CHMP4B: variants seen among roughly 807,000 people sequenced by gnomAD.
The protein encoded by CHMP4B is SNF7 homolog associated with Alix 1.
A neutral mutation model predicts 25.1 loss-of-function variants in CHMP4B; 1 was observed. The ratio of observed to expected loss-of-function variants is 0.04; its 90% CI spans 0.01 to 0.19. The LOEUF (loss-of-function observed/expected upper bound fraction) is 0.19. Among genes scored for constraint, CHMP4B ranks in the 10% least tolerant of loss-of-function variants. The pLI is 1.00. For synonymous variants in CHMP4B, 101 were observed against 115.6 expected, an observed-to-expected ratio of 0.87 and a Z score of 0.81; for missense variants, 151 against 289.7, an observed-to-expected ratio of 0.52 and a Z score of 3.48.
At chr20:33,852,742 C>T (rs1196713447) in intron 4 of CHMP4B, among the ~76,000 whole-genome samples, 1 of 152,216 alleles carries the variant, frequency 6.6e-6, no homozygotes, top group Admixed American at 6.5e-5. Context: ...CTTTCCCTGC[C>T]CCTCTAGTAT....
chr20:33,821,970 C>T (rs998783198), intron 1 of CHMP4B, among the ~76,000 whole-genome samples: 1 of 151,734 alleles, frequency 6.6e-6, no homozygotes, highest in Non-Finnish European at 1.5e-5. Context: ...GTGTGCACCA[C>T]CATGCCCAGC....
chr20:33,817,827 A>G (rs1261781618), intron 1 of CHMP4B, among the ~76,000 whole-genome samples: 1 of 152,220 alleles, frequency 6.6e-6, no homozygotes, highest in Non-Finnish European at 1.5e-5. Context: ...AAATCTGAGC[A>G]TAGCAATGGG....
chr20:33,823,089 A>C (rs1034715746), intron 1 of CHMP4B, among the ~76,000 whole-genome samples: 1 of 152,104 alleles, frequency 6.6e-6, no homozygotes, highest in Non-Finnish European at 1.5e-5. Context: ...CGCCCGGCCC[A>C]GTTAAGTAAT....
At position 33,814,224 on chromosome 20, in the gene CHMP4B, G is replaced by A. The variant is rs114186534; in HGVS notation, c.190+2566G>A. ...CTCTAGGAGGAAGGTCTTAGTGTGG[G>A]GAGGTGAACACTACCACATTACCAT... On this transcript the variant is annotated intron_variant, in intron 1 of 4. Transcript: ENST00000217402. 2.6e-3 allele frequency among the ~76,000 whole-genome samples: 400 copies of A among 152,300 alleles called. 2 individuals carry two copies. Among genetic ancestry groups the A allele is most frequent in the African/African-American group, 9.2e-3 (384 of 41,552 alleles).
chr20:33,842,240 T>G (rs1206141743), intron 1 of CHMP4B, among the ~76,000 whole-genome samples: 1 of 152,146 alleles, frequency 6.6e-6, no homozygotes, highest in Non-Finnish European at 1.5e-5. Context: ...GGTGGTTAAC[T>G]GTGTTGTTTT....
intron 1 of CHMP4B, among the ~76,000 whole-genome samples, chr20:33,820,649 T>C (rs1978913425): frequency 6.6e-6 from 1 of 151,898 alleles, no homozygotes; most frequent in Admixed American, 6.6e-5. Flanking sequence ...TGACATGCAG[T>C]GGAGGGAACT....
intron 2 of CHMP4B, 116 bp downstream of exon 2, chr20:33,848,760 T>A (rs1979758832): frequency 1.8e-6 from 2 of 1,091,438 alleles, no homozygotes; most frequent in African/African-American, 3.1e-5. Flanking sequence ...GCACCTGAGT[T>A]TGTTTTAATT....
intron 1 of CHMP4B, among the ~76,000 whole-genome samples, chr20:33,814,579 A>G (rs1978729520): frequency 6.6e-6 from 1 of 152,154 alleles, no homozygotes; most frequent in African/African-American, 2.4e-5. Flanking sequence ...GACAGGAGAT[A>G]ACACTGAGAG....
chr20:33,834,902 A>C (rs1344986316), intron 1 of CHMP4B, among the ~76,000 whole-genome samples: 4 of 152,100 alleles, frequency 2.6e-5, no homozygotes, highest in Non-Finnish European at 5.9e-5. Flanking sequence ...TCCTGGGTTC[A>C]AGCGATTCTC....
intron 1 of CHMP4B, among the ~76,000 whole-genome samples, chr20:33,831,267 G>A (rs556655623): frequency 3.9e-5 from 6 of 152,234 alleles, no homozygotes; most frequent in African/African-American, 1.4e-4. Context: ...GCTATTTTTA[G>A]TGGAGACGGG....
chr20:33,852,349 C>A, intron 4 of CHMP4B, 146 bp downstream of exon 4: 1 of 988,396 alleles, frequency 1.0e-6, no homozygotes, highest in South Asian at 1.3e-5. Flanking sequence ...GATTGAGAAC[C>A]AGACAGGATC....
rs1979750293 is a variant in CHMP4B at position 33,848,526 on chromosome 20, G to A, written c.250G>A (p.Gly84Ser). ...TGAGAAGCAGCTGGCGCAGATCGACGGCACATTATCAACCATCGAGTTCCA... is the reference window on the plus strand; with the variant it reads ...TGAGAAGCAGCTGGCGCAGATCGACAGCACATTATCAACCATCGAGTTCCA... ...RYEKQLAQID[G>S]TLSTIEFQRE... The change falls in exon 2 of 5, where the codon GGC (glycine) becomes AGC (serine). Residue 84 changes from glycine to serine, a missense_variant. Around this residue, in one of 3 missense-constraint regions of CHMP4B, gnomAD observed 82 missense variants for 208.3 expected, o/e 0.39. Transcript: ENST00000217402. The A allele has an allele frequency of 6.2e-7, 1 of 1,614,180 alleles. No individual in the cohort carries two copies. The highest frequency in any genetic ancestry group is 8.5e-7 in the Non-Finnish European group (1 of 1,180,036).
At chr20:33,832,545 TTTTG>T (rs1471860585) in intron 1 of CHMP4B, among the ~76,000 whole-genome samples, 4 of 152,156 alleles carry the variant, frequency 2.6e-5, no homozygotes, top group Non-Finnish European at 5.9e-5. Context: ...AGGCTGTTGT[TTTTG>T]TTTGTTTTGA....
chr20:33,847,891 CAG>C (rs1979731065), intron 1 of CHMP4B, among the ~76,000 whole-genome samples: 2 of 151,802 alleles, frequency 1.3e-5, no homozygotes, highest in South Asian at 4.2e-4. Flanking sequence ...ACAATTTACA[CAG>C]TTGTTGGCTA....
intron 1 of CHMP4B, among the ~76,000 whole-genome samples, chr20:33,843,733 C>T (rs1165098091): frequency 6.6e-6 from 1 of 152,142 alleles, no homozygotes; most frequent in Non-Finnish European, 1.5e-5. Context: ...ACTCTAATAC[C>T]TCTGAGCCTT....
chr20:33,821,481 T>A (rs1399168822), intron 1 of CHMP4B, among the ~76,000 whole-genome samples: 2 of 152,284 alleles, frequency 1.3e-5, no homozygotes, highest in East Asian at 3.9e-4. Context: ...GTAGCCCAGT[T>A]GCTATTCCCT....
chr20:33,812,645 C>T (rs892842989), intron 1 of CHMP4B, among the ~76,000 whole-genome samples: 2 of 152,196 alleles, frequency 1.3e-5, no homozygotes, highest in Non-Finnish European at 2.9e-5. Context: ...GAGAGTGAAT[C>T]ACAGAACGAC....
chr20:33,835,305 A>G (rs2043017903), intron 1 of CHMP4B, among the ~76,000 whole-genome samples: 1 of 152,102 alleles, frequency 6.6e-6, no homozygotes, highest in Non-Finnish European at 1.5e-5. Context: ...GTGCTTTGGT[A>G]TATGTGGTCT....
intron 1 of CHMP4B, among the ~76,000 whole-genome samples, chr20:33,817,220 C>T (rs556758702): frequency 6.6e-6 from 1 of 152,284 alleles, no homozygotes; most frequent in Non-Finnish European, 1.5e-5. Flanking sequence ...GCTTAAGTTT[C>T]TTGTTTGGAA....
Sources: gnomAD v4.1 joint callset for allele counts (sites outside exome capture counted in the v4.1 genomes callset) on GRCh38, gnomAD v4.1.1 for gene constraint, gnomAD v4.1.1 regional missense constraint, MANE v1.5 for transcripts, NCBI Gene and HGNC (gene_info 2026-07-23, HGNC 2026-07-21) for gene names.